Variants in METTL15 observed in about 807,000 individuals in gnomAD.
METTL15 encodes methyltransferase 15, mitochondrial 12S rRNA N4-cytidine.
Under a neutral mutation model 38.3 loss-of-function variants are expected in METTL15, and 34 were observed. The observed-to-expected ratio is 0.89, with a 90% CI of 0.68 to 1.18. The LOEUF is 1.18. Ranked by LOEUF, METTL15 falls within the 50% of genes most tolerant of loss-of-function variation. The pLI, the probability that METTL15 is intolerant of heterozygous loss-of-function variation, is 0.00. For missense variants in METTL15, 438 were observed against 498.4 expected, an observed-to-expected ratio of 0.88 and a Z score of 1.15; for synonymous variants, 162 against 170.9, an observed-to-expected ratio of 0.95 and a Z score of 0.41.
chr11:28,341,280 C>T (rs981574522), intron 3 of METTL15, among the ~76,000 whole-genome samples: 1 of 152,000 alleles, frequency 6.6e-6, no homozygotes, highest in Non-Finnish European at 1.5e-5. Context: ...GTGACCTGCA[C>T]GTTCTGCACA....
intron 3 of METTL15, among the ~76,000 whole-genome samples, chr11:28,135,245 A>G (rs955848851): frequency 1.3e-5 from 2 of 152,224 alleles, no homozygotes; most frequent in African/African-American, 2.4e-5. Flanking sequence ...CTTTAGTCCT[A>G]TACTTGACCA....
chr11:28,356,150 C>G (rs1322337109), intron 4 of METTL15, among the ~76,000 whole-genome samples: 1 of 152,196 alleles, frequency 6.6e-6, no homozygotes, highest in African/African-American at 2.4e-5. Flanking sequence ...TGGCCTTCTA[C>G]CTAAAGTTGC....
intron 3 of METTL15, among the ~76,000 whole-genome samples, chr11:28,122,817 A>T (rs1458274187): frequency 6.6e-6 from 1 of 151,930 alleles, no homozygotes; most frequent in Non-Finnish European, 1.5e-5. Context: ...AACTTATTCA[A>T]TTATTTTTCC....
At chr11:28,121,765 A>G (rs7131053) in intron 3 of METTL15, among the ~76,000 whole-genome samples, 57,172 of 151,852 alleles carry the variant, frequency 0.38, 12,307 homozygotes, top group African/African-American at 0.59. Context: ...CTTTTAAAGC[A>G]TATCTTTGAT....
rs11030261 is a variant in METTL15 at position 28,241,595 on chromosome 11, A to T, written c.407+30397A>T. Among the ~76,000 whole-genome samples the T allele has an allele frequency of 4.3e-3, 653 of 151,972 alleles. 16 individuals are homozygous for T. The East Asian group carries it at 0.082, about 19-fold the overall frequency. On this transcript the variant is annotated intron_variant, in intron 4 of 6. Transcript: ENST00000407364. ...AGCAAAGGGGATTGGGAACATGGGG[A>T]TTGTAGATAAAGCTTTTTACAGTTT...
At chr11:28,129,201 A>G (rs1296505762) in intron 3 of METTL15, among the ~76,000 whole-genome samples, 2 of 152,140 alleles carry the variant, frequency 1.3e-5, no homozygotes, top group Non-Finnish European at 2.9e-5. Context: ...TTACACAGCA[A>G]CTCAGTAGAC....
At chr11:28,259,412 A>T (rs1034884892) in intron 4 of METTL15, among the ~76,000 whole-genome samples, 2 of 152,092 alleles carry the variant, frequency 1.3e-5, no homozygotes, top group Non-Finnish European at 2.9e-5. Flanking sequence ...GTACCCGCCA[A>T]GTCCAGTGAT....
rs140717726 is a variant in METTL15 at position 28,170,410 on chromosome 11, G to C, written c.271-40652G>C. Among the ~76,000 whole-genome samples the C allele has an allele frequency of 9.0e-4, 137 of 152,152 alleles. 1 individual carries two copies. Among genetic ancestry groups the C allele is most frequent in the African/African-American group, 3.3e-3 (136 of 41,518 alleles). On this transcript the variant is annotated intron_variant, in intron 3 of 6. Coordinates refer to ENST00000407364, the MANE Select transcript of METTL15 (RefSeq NM_001113528.2). ...ATCCAGACCCCAAGAGAGGGTTCTT[G>C]GACCTTGTGTAAAAACAATTTGGGG...
chr11:28,232,556 A>G (rs903053696), intron 4 of METTL15, among the ~76,000 whole-genome samples: 6 of 151,830 alleles, frequency 4.0e-5, no homozygotes, highest in African/African-American at 1.4e-4. Context: ...AATTCATGCA[A>G]TAATTTAAAA....
At chr11:28,209,108 C>G (rs1386441294) in intron 3 of METTL15, among the ~76,000 whole-genome samples, 1 of 151,942 alleles carries the variant, frequency 6.6e-6, no homozygotes, top group Non-Finnish European at 1.5e-5. Flanking sequence ...TAAAAATAAT[C>G]ATGTAAATTA....
At chr11:28,451,602 A>G (rs1430989311) in intron 6 of METTL15, among the ~76,000 whole-genome samples, 1 of 152,118 alleles carries the variant, frequency 6.6e-6, no homozygotes. Context: ...AAAGAAAAAG[A>G]AAAAGGAAAT....
chr11:28,137,826 AT>A (rs1445117537), intron 3 of METTL15, among the ~76,000 whole-genome samples: 2 of 149,264 alleles, frequency 1.3e-5, no homozygotes, highest in African/African-American at 2.5e-5. Context: ...CTAAGCACTT[AT>A]TTTTCTTTAG....
At chr11:28,377,787 GT>G (rs1850334171) in intron 5 of METTL15, among the ~76,000 whole-genome samples, 2 of 145,520 alleles carry the variant, frequency 1.4e-5, no homozygotes, top group South Asian at 4.4e-4. Flanking sequence ...CATCTTTGTG[GT>G]TTTATCCACT....
At chr11:28,445,527 C>T (rs1173486872) in intron 6 of METTL15, among the ~76,000 whole-genome samples, 4 of 151,992 alleles carry the variant, frequency 2.6e-5, no homozygotes, top group Non-Finnish European at 5.9e-5. Flanking sequence ...TTTTGTAATC[C>T]AGTCTTGGAT....
chr11:28,498,593 A>C (rs977825472), intron 6 of METTL15, among the ~76,000 whole-genome samples: 1 of 152,070 alleles, frequency 6.6e-6, no homozygotes, highest in East Asian at 1.9e-4. Context: ...TCCTACCCCT[A>C]TTTGTCCTTT....
intron 6 of METTL15, among the ~76,000 whole-genome samples, chr11:28,470,314 A>G (rs1156642740): frequency 6.6e-6 from 1 of 152,144 alleles, no homozygotes; most frequent in Non-Finnish European, 1.5e-5. Flanking sequence ...GTTGGGCACA[A>G]GTCTATCAAT....
intron 4 of METTL15, among the ~76,000 whole-genome samples, chr11:28,213,071 GGGGACAGA>G (rs1218910197): frequency 6.6e-6 from 1 of 152,118 alleles, no homozygotes; most frequent in Non-Finnish European, 1.5e-5. Flanking sequence ...ACGACTTTAT[GGGGACAGA>G]CCTGCGACAT....
At chr11:28,114,820 T>C (rs1269738784) in intron 3 of METTL15, among the ~76,000 whole-genome samples, 1 of 152,194 alleles carries the variant, frequency 6.6e-6, no homozygotes, top group Non-Finnish European at 1.5e-5. Context: ...GTGGAATTCC[T>C]CTAGGCTTAA....
intron 6 of METTL15, among the ~76,000 whole-genome samples, chr11:28,437,437 C>A (rs1850993414): frequency 6.6e-6 from 1 of 152,164 alleles, no homozygotes. Context: ...TATAGGGATG[C>A]AACATGGACG....
Sources: gnomAD v4.1 joint callset for allele counts (sites outside exome capture counted in the v4.1 genomes callset) on GRCh38, gnomAD v4.1.1 for gene constraint, MANE v1.5 for transcripts, NCBI Gene and HGNC (gene_info 2026-07-23, HGNC 2026-07-21) for gene names.